The following GALNTL6 variants were observed in gnomAD, a reference collection of about 807,000 sequenced individuals.
GALNTL6 encodes the protein polypeptide N-acetylgalactosaminyltransferase-like 6.
GALNTL6 carries 46 observed loss-of-function variants against 73.7 expected under a neutral mutation model. The ratio of observed to expected loss-of-function variants is 0.62; its 90% CI spans 0.49 to 0.80. The LOEUF (loss-of-function observed/expected upper bound fraction) is 0.80, where lower values mean the gene tolerates loss of function less well. Ranked by LOEUF, GALNTL6 falls within the 30% of genes least tolerant of loss-of-function variation. The pLI, the probability that GALNTL6 is intolerant of heterozygous loss-of-function variation, is 0.00. For synonymous variants in GALNTL6, 259 were observed against 263.7 expected (o/e 0.98, Z 0.17); for missense variants, 604 against 755.0 (o/e 0.80, Z 2.34).
intron 2 of GALNTL6, among the ~76,000 whole-genome samples, chr4:172,167,060 C>A (rs1470038332): frequency 2.0e-5 from 3 of 152,152 alleles, no homozygotes; most frequent in African/African-American, 7.2e-5. Flanking sequence ...TTTTTCTTGT[C>A]TCTAAAGTTA....
chr4:172,370,117 G>A (rs780571504), intron 5 of GALNTL6, among the ~76,000 whole-genome samples: 1 of 152,144 alleles, frequency 6.6e-6, no homozygotes, highest in Non-Finnish European at 1.5e-5. Flanking sequence ...GTGAAGAAGG[G>A]GCCCTGCAGT....
intron 8 of GALNTL6, among the ~76,000 whole-genome samples, chr4:172,889,172 G>T (rs1229890598): frequency 6.6e-6 from 1 of 152,104 alleles, no homozygotes; most frequent in Non-Finnish European, 1.5e-5. Flanking sequence ...GAGTCTGCGG[G>T]GTTTTCTAAG....
At chr4:171,832,294 C>G (rs992450602) in intron 2 of GALNTL6, among the ~76,000 whole-genome samples, 24 of 146,994 alleles carry the variant, frequency 1.6e-4, no homozygotes. Flanking sequence ...TGTTTTCAGT[C>G]TTTTAATTTT....
At chr4:172,979,302 C>T (rs1332155326) in intron 10 of GALNTL6, among the ~76,000 whole-genome samples, 1 of 152,182 alleles carries the variant, frequency 6.6e-6, no homozygotes, top group African/African-American at 2.4e-5. Flanking sequence ...AATTCCCTTC[C>T]ATGCCAAAGT....
chr4:172,679,536 A>C (rs2164824), intron 5 of GALNTL6, among the ~76,000 whole-genome samples: 4,735 of 152,158 alleles, frequency 0.031, 121 homozygotes, highest in South Asian at 0.094. Flanking sequence ...TTGCTTCTGA[A>C]GTTGCTTGCT....
At chr4:172,053,843 C>A (rs1007911314) in intron 2 of GALNTL6, among the ~76,000 whole-genome samples, 1 of 151,762 alleles carries the variant, frequency 6.6e-6, no homozygotes, top group South Asian at 2.1e-4. Context: ...GAGGCAAGAC[C>A]TTTAAATTTT....
intron 5 of GALNTL6, among the ~76,000 whole-genome samples, chr4:172,781,271 C>T (rs1739357002): frequency 6.6e-6 from 1 of 151,972 alleles, no homozygotes; most frequent in Non-Finnish European, 1.5e-5. Flanking sequence ...CAGTAAGATA[C>T]GTTGTAATGA....
intron 5 of GALNTL6, among the ~76,000 whole-genome samples, chr4:172,482,327 A>G (rs1054019781): frequency 6.6e-6 from 1 of 152,230 alleles, no homozygotes; most frequent in Non-Finnish European, 1.5e-5. Context: ...CCCACATTAC[A>G]GCAACGGGCT....
intron 2 of GALNTL6, among the ~76,000 whole-genome samples, chr4:172,021,605 A>T (rs1182946735): frequency 6.6e-6 from 1 of 152,096 alleles, no homozygotes; most frequent in Non-Finnish European, 1.5e-5. Context: ...TAAATTTTAT[A>T]TGGAACCATA....
intron 5 of GALNTL6, among the ~76,000 whole-genome samples, chr4:172,677,619 T>A (rs1732377700): frequency 6.6e-6 from 1 of 151,958 alleles, no homozygotes; most frequent in Non-Finnish European, 1.5e-5. Flanking sequence ...TAGAGGTAGA[T>A]CTAAAGAATT....
chr4:172,229,024 C>T (rs1467036682), intron 2 of GALNTL6, among the ~76,000 whole-genome samples: 2 of 152,156 alleles, frequency 1.3e-5, no homozygotes, highest in Non-Finnish European at 2.9e-5. Flanking sequence ...TTTAAGAGCA[C>T]AGTTTTGGTC....
intron 5 of GALNTL6, among the ~76,000 whole-genome samples, chr4:172,641,471 C>T (rs1174083178): frequency 6.6e-6 from 1 of 152,072 alleles, no homozygotes; most frequent in Non-Finnish European, 1.5e-5. Context: ...TATCCTAAAA[C>T]ACACCAGTCA....
intron 2 of GALNTL6, among the ~76,000 whole-genome samples, chr4:172,000,012 T>C (rs1740623855): frequency 6.6e-6 from 1 of 152,146 alleles, no homozygotes; most frequent in Non-Finnish European, 1.5e-5. Flanking sequence ...GGAGAATTAT[T>C]CAAATCATGA....
chr4:172,443,166 C>CTT (rs34479815), intron 5 of GALNTL6, among the ~76,000 whole-genome samples: 21 of 61,148 alleles, frequency 3.4e-4, no homozygotes, highest in South Asian at 6.3e-4. Flanking sequence ...ATATATATTT[C>CTT]TTTTTTTTTT....
intron 4 of GALNTL6, among the ~76,000 whole-genome samples, chr4:172,334,297 G>A (rs72986307): frequency 0.024 from 3,674 of 152,212 alleles, 147 homozygotes; most frequent in African/African-American, 0.08. Context: ...AATGGTGTCG[G>A]CATTTTGATA....
At chr4:171,956,229 G>T (rs143285888) in intron 2 of GALNTL6, among the ~76,000 whole-genome samples, 1 of 152,028 alleles carries the variant, frequency 6.6e-6, no homozygotes, top group Non-Finnish European at 1.5e-5. Flanking sequence ...TGTCTTGAAC[G>T]GCGAGGCTAA....
chr4:172,899,069 C>G (rs1260168680), intron 8 of GALNTL6, among the ~76,000 whole-genome samples: 1 of 152,120 alleles, frequency 6.6e-6, no homozygotes, highest in Non-Finnish European at 1.5e-5. Context: ...GAGTTGTAAG[C>G]CCTTAAAAGG....
intron 2 of GALNTL6, among the ~76,000 whole-genome samples, chr4:171,948,606 C>T (rs2111026619): frequency 6.6e-6 from 1 of 152,214 alleles, no homozygotes; most frequent in South Asian, 2.1e-4. Flanking sequence ...TGTGTTACTA[C>T]ATGCATATCT....
chr4:172,107,828 G>T (rs1423265280), intron 2 of GALNTL6, among the ~76,000 whole-genome samples: 1 of 151,406 alleles, frequency 6.6e-6, no homozygotes, highest in Non-Finnish European at 1.5e-5. Flanking sequence ...AAGTATAATT[G>T]AAAAAAAATA....
Sources: allele counts gnomAD v4.1 joint callset (sites outside exome capture counted in the v4.1 genomes callset), GRCh38; gene constraint gnomAD v4.1.1; transcripts MANE v1.5; gene names NCBI Gene and HGNC (gene_info 2026-07-23, HGNC 2026-07-21).